The following MON2 variants were observed in gnomAD, a reference collection of about 807,000 sequenced individuals.
MON2 encodes MON2 regulator of endosome-to-Golgi trafficking, also known as protein MON2 homolog.
A neutral mutation model predicts 208.6 loss-of-function variants in MON2; 84 were observed. That is an observed-to-expected ratio of 0.40 (90% CI 0.34 to 0.48). MON2 has a LOEUF of 0.48. Ranked by LOEUF, MON2 falls within the 20% of genes least tolerant of loss-of-function variation. MON2 has a pLI of 0.59. For synonymous variants in MON2, 660 were observed against 694.0 expected, an observed-to-expected ratio of 0.95 and a Z score of 0.77; for missense variants, 1,611 against 2,015.4, an observed-to-expected ratio of 0.80 and a Z score of 3.84.
rs1359473832 is a variant in MON2 at position 62,560,679 on chromosome 12, G to T, written c.3598G>T (p.Gly1200Trp). 6.2e-7 allele frequency: 1 copy of T among 1,613,912 alleles called. No homozygotes were observed. The highest frequency in any genetic ancestry group is 8.5e-7 in the Non-Finnish European group (1 of 1,179,908). ...VVNVPVPVLI[G>W]PISGMSRPFV... ...TAATGTACCTGTGCCTGTTCTTATAGGGCCCATATCAGGCATGAGCAGGCC... is the reference window on the plus strand; with the variant it reads ...TAATGTACCTGTGCCTGTTCTTATATGGCCCATATCAGGCATGAGCAGGCC... The change falls in exon 26 of 35, where the codon GGG becomes TGG. Residue 1200 changes from glycine to tryptophan, a missense_variant. Gly to Trp is a radical substitution (Grantham distance 184). Transcript: ENST00000393630.
chr12:62,569,102 A>G (rs1193465108), intron 29 of MON2, among the ~76,000 whole-genome samples: 8 of 152,234 alleles, frequency 5.3e-5, no homozygotes, highest in Admixed American at 5.2e-4. Flanking sequence ...TACTGAGCAC[A>G]TACTGTATAC....
At chr12:62,473,042 A>T (rs1214515768) in intron 1 of MON2, among the ~76,000 whole-genome samples, 1 of 152,060 alleles carries the variant, frequency 6.6e-6, no homozygotes, top group African/African-American at 2.4e-5. Flanking sequence ...ATTTTCAACC[A>T]TGTATGAAGT....
intron 16 of MON2, 30 bp downstream of exon 16, chr12:62,537,736 G>C (rs779310515): frequency 1.3e-6 from 2 of 1,510,664 alleles, no homozygotes; most frequent in South Asian, 2.3e-5. Context: ...TCAGAGATTA[G>C]TGTTGTTTTT....
chr12:62,520,819 A>G (rs1044107988), intron 8 of MON2, among the ~76,000 whole-genome samples: 14 of 147,790 alleles, frequency 9.5e-5, no homozygotes, highest in African/African-American at 1.5e-4. Context: ...TCCAAAGTAT[A>G]TAAGATATTA....
intron 32 of MON2, among the ~76,000 whole-genome samples, chr12:62,583,860 T>A (rs1228897821): frequency 6.7e-6 from 1 of 148,912 alleles, no homozygotes; most frequent in Non-Finnish European, 1.5e-5. Flanking sequence ...CTCGGGAGTC[T>A]GAGGTGGGAG....
At chr12:62,567,926 T>C (rs1159696009) in intron 29 of MON2, among the ~76,000 whole-genome samples, 1 of 152,196 alleles carries the variant, frequency 6.6e-6, no homozygotes, top group Non-Finnish European at 1.5e-5. Context: ...ATGTTTCTCG[T>C]CTTTAAAAGA....
At position 62,571,498 on chromosome 12, in the gene MON2, C is replaced by G. The variant is rs778160891; in HGVS notation, c.4430C>G (p.Ala1477Gly). The change falls in exon 30 of 35, where the codon GCC becomes GGC. Residue 1477 changes from alanine (A) to glycine (G), a missense_variant. By Grantham distance (60) the Ala-to-Gly change is moderately conservative (BLOSUM62 0). Coordinates refer to ENST00000393630, the MANE Select transcript of MON2 (RefSeq NM_015026.3). ...GTTCTTTCTATTGGGCTACCTGTTG[C>G]CCGGCAGCATGCTTCTTCTGGAAAA... ...LRVLSIGLPV[A>G]RQHASSGKFD... 8 of 1,613,840 alleles carry G rather than the reference C, an allele frequency of 5.0e-6. No individual in the cohort carries two copies. Among genetic ancestry groups the G allele is most frequent in the Admixed American group, 3.3e-5 (2 of 60,002 alleles).
intron 1 of MON2, among the ~76,000 whole-genome samples, chr12:62,471,986 G>C (rs993321152): frequency 2.0e-5 from 3 of 152,216 alleles, no homozygotes; most frequent in African/African-American, 7.2e-5. Flanking sequence ...AAGCTTGTTA[G>C]TAGGAATAAT....
At chr12:62,528,399 A>G (rs146059247) in intron 11 of MON2, among the ~76,000 whole-genome samples, 1 of 152,310 alleles carries the variant, frequency 6.6e-6, no homozygotes, top group East Asian at 1.9e-4. Context: ...TATTTATTAC[A>G]CTACAGATCC....
chr12:62,529,026 C>T (rs969940574), intron 11 of MON2, among the ~76,000 whole-genome samples: 1 of 152,072 alleles, frequency 6.6e-6, no homozygotes, highest in Non-Finnish European at 1.5e-5. Flanking sequence ...GCCTCAAGTA[C>T]ACCCCAGTGT....
At chr12:62,531,978 C>T (rs901547001) in intron 11 of MON2, among the ~76,000 whole-genome samples, 8 of 151,888 alleles carry the variant, frequency 5.3e-5, no homozygotes, top group African/African-American at 1.9e-4. Flanking sequence ...ACTGTGTTAG[C>T]CAGGATGATC....
rs748265130 is a variant in MON2 at position 62,565,319 on chromosome 12, G to T, written c.4115G>T (p.Cys1372Phe). ...TTGTTGGCATTTGTAGAATTTTCCTGTAAACCTCCACAGTATGGACAGCTG... is the reference window on the plus strand; with the variant it reads ...TTGTTGGCATTTGTAGAATTTTCCTTTAAACCTCCACAGTATGGACAGCTG... ...DQLLAFVEFS[C>F]KPPQYGQLET... is the part of the protein sequence containing the mutation. The change falls in exon 27 of 35, where the codon TGT becomes TTT. Residue 1372 changes from cysteine to phenylalanine, a missense_variant. Coordinates refer to ENST00000393630, the MANE Select transcript of MON2 (RefSeq NM_015026.3). The T allele has an allele frequency of 1.9e-6, 3 of 1,612,970 alleles. No individual in the cohort carries two copies. The highest frequency in any genetic ancestry group is 4.5e-5 in the East Asian group (2 of 44,786).
Position 62,532,674 on chromosome 12 carries a change from TGA to T in MON2, c.1633+6_1633+7del. 1.3e-6 allele frequency: 2 copies of T among 1,580,254 alleles called. No individual in the cohort carries two copies. The highest frequency in any genetic ancestry group is 1.7e-6 in the Non-Finnish European group (2 of 1,154,214). On this transcript the variant is annotated splice_donor_5th_base_variant and intron_variant, in intron 12 of 34. Coordinates refer to ENST00000393630, the MANE Select transcript of MON2 (RefSeq NM_015026.3). ...GACCAAATGGATAAGGAAATTGGTA[TGA>T]GTCTGTATTTTTAATTTTTATTGGA...
intron 26 of MON2, among the ~76,000 whole-genome samples, chr12:62,563,376 C>T (rs2074266315): frequency 1.3e-5 from 2 of 152,100 alleles, no homozygotes. Context: ...TAGTACGTGC[C>T]AGGCACTGAA....
At position 62,560,921 on chromosome 12, in the gene MON2, T is replaced by C. The variant is rs777294365; in HGVS notation, c.3840T>C (p.Phe1280=). 6.2e-7 allele frequency: 1 copy of C among 1,613,954 alleles called. No individual in the cohort carries two copies. The highest frequency in any genetic ancestry group is 1.7e-5 in the Admixed American group (1 of 60,006). Residue 1280 remains phenylalanine (F), a synonymous_variant, in exon 26 of 35, where the codon TTT becomes TTC. Transcript: ENST00000393630. The stretch of plus-strand genomic sequence containing the variant: ...TTCTTACAGCTTTAATTCAGATATT[T>C]CCAGCTCTCTACCAACACATAAAAA... ...QPFLTALIQI[F]PALYQHIKTG...
chr12:62,494,044 T>A lies in MON2; in HGVS notation c.303+2T>A. 1 of 1,609,050 alleles carries A rather than the reference T, an allele frequency of 6.2e-7. No individual in the cohort carries two copies. The highest frequency in any genetic ancestry group is 8.5e-7 in the Non-Finnish European group (1 of 1,177,006). ...ATGTCACATGAAGTCGTGTCTGAGG[T>A]AATATGAAGATTTTATCTAAACTTC... is the stretch of plus-strand genomic sequence containing the variant. On this transcript the variant is annotated splice_donor_variant, in intron 3 of 34. Coordinates refer to ENST00000393630, the MANE Select transcript of MON2 (RefSeq NM_015026.3). LOFTEE classifies it high-confidence loss of function.
intron 7 of MON2, among the ~76,000 whole-genome samples, chr12:62,504,269 G>A (rs1251717857): frequency 7.7e-6 from 1 of 129,666 alleles, no homozygotes; most frequent in African/African-American, 3.0e-5. Flanking sequence ...TTTTGAGACA[G>A]CATCTTGCTC....
intron 26 of MON2, among the ~76,000 whole-genome samples, chr12:62,561,383 G>A (rs542111642): frequency 2.0e-5 from 3 of 151,974 alleles, no homozygotes; most frequent in East Asian, 3.9e-4. Flanking sequence ...GTTTGTCCAC[G>A]CAAGTCTTCA....
Position 62,566,427 on chromosome 12 carries a change from A to G in MON2, c.4300A>G (p.Lys1434Glu). ...GTGTCACAAAGCAGTGGTGAATGAG[A>G]AAGTGCTCCAGAATATTATTAAGGT... ...TACHKAVVNE[K>E]VLQNIIKTLR... Residue 1434 changes from lysine (K) to glutamate (E), a missense_variant, in exon 29 of 35, where the codon AAA becomes GAA. Transcript: ENST00000393630. 4 of 1,613,386 alleles carry G rather than the reference A, an allele frequency of 2.5e-6. No homozygotes were observed. Among genetic ancestry groups the G allele is most frequent in the Non-Finnish European group, 3.4e-6 (4 of 1,179,642 alleles).
Sources: gnomAD v4.1 joint callset for allele counts (sites outside exome capture counted in the v4.1 genomes callset) on GRCh38, gnomAD v4.1.1 for gene constraint, MANE v1.5 for transcripts, NCBI Gene and HGNC (gene_info 2026-07-23, HGNC 2026-07-21) for gene names.